UBE2K: variants seen among roughly 807,000 people sequenced by gnomAD.
The protein encoded by UBE2K is ubiquitin conjugating enzyme E2 K, also known as ubiquitin-conjugating enzyme E2 K.
Under a neutral mutation model 30.0 loss-of-function variants are expected in UBE2K, and 6 were observed. The observed-to-expected ratio is 0.20, with a 90% confidence interval of 0.11 to 0.39. UBE2K has a LOEUF of 0.39. Among genes scored for constraint, UBE2K ranks in the 10% least tolerant of loss-of-function variants. The pLI is 1.00. For missense variants in UBE2K, 61 were observed against 241.6 expected, an observed-to-expected ratio of 0.25 and a Z score of 4.96; for synonymous variants, 86 against 83.7, an observed-to-expected ratio of 1.03 and a Z score of -0.15.
chr4:39,738,631 G>A (rs887683202), intron 2 of UBE2K, among the ~76,000 whole-genome samples: 10 of 152,136 alleles, frequency 6.6e-5, no homozygotes, highest in African/African-American at 2.4e-4. Context: ...ACAGGTGCAT[G>A]CCACCATATC....
Position 39,771,339 on chromosome 4 carries a change from G to A in UBE2K, c.300-3495G>A, listed in dbSNP as rs530722759. 27 of 1,612,552 alleles carry A rather than the reference G, an allele frequency of 1.7e-5. No individual in the cohort carries two copies. The African/African-American group carries it at 3.3e-4, about 20-fold the overall frequency. On this transcript the variant is annotated intron_variant, in intron 4 of 6. Coordinates refer to ENST00000261427, the MANE Select transcript of UBE2K (RefSeq NM_005339.5). ...GGCTGTCGGCCACAATGGTCACGTC[G>A]CAGAACCACTCCTCTGCCCGGAGCT...
intron 1 of UBE2K, among the ~76,000 whole-genome samples, chr4:39,718,292 T>G (rs1199277321): frequency 6.6e-6 from 1 of 152,224 alleles, no homozygotes; most frequent in Non-Finnish European, 1.5e-5. Context: ...GAGTGTCGAT[T>G]GCTGTATTTA....
intron 5 of UBE2K, among the ~76,000 whole-genome samples, chr4:39,777,294 G>A (rs1055937748): frequency 1.3e-5 from 2 of 152,136 alleles, no homozygotes; most frequent in East Asian, 1.9e-4. Context: ...TGGTTACATC[G>A]TAAAAAATTA....
At chr4:39,748,286 A>G (rs939732617) in intron 3 of UBE2K, among the ~76,000 whole-genome samples, 1 of 152,110 alleles carries the variant, frequency 6.6e-6, no homozygotes, top group Admixed American at 6.6e-5. Context: ...GTTTAGTGGC[A>G]TGCACAGTCA....
At chr4:39,756,590 A>G (rs1721526628) in intron 4 of UBE2K, among the ~76,000 whole-genome samples, 1 of 151,946 alleles carries the variant, frequency 6.6e-6, no homozygotes, top group South Asian at 2.1e-4. Context: ...GTAGCTGGGA[A>G]TACAGGCGCA....
At chr4:39,709,105 A>AT (rs1181663315) in intron 1 of UBE2K, among the ~76,000 whole-genome samples, 4 of 151,818 alleles carry the variant, frequency 2.6e-5, no homozygotes, top group African/African-American at 9.7e-5. Flanking sequence ...CTGTATCTCG[A>AT]TTTTTTTAAT....
At chr4:39,704,099 C>A (rs1490914716) in intron 1 of UBE2K, among the ~76,000 whole-genome samples, 1 of 150,222 alleles carries the variant, frequency 6.7e-6, no homozygotes, top group Non-Finnish European at 1.5e-5. Context: ...ACAGTTGTTT[C>A]TAAGACTAGA....
At chr4:39,766,897 A>G (rs1712377793) in intron 4 of UBE2K, among the ~76,000 whole-genome samples, 1 of 151,886 alleles carries the variant, frequency 6.6e-6, no homozygotes, top group Non-Finnish European at 1.5e-5. Flanking sequence ...GATTACAAAC[A>G]TGCACCACCA....
intron 4 of UBE2K, among the ~76,000 whole-genome samples, chr4:39,769,348 C>T (rs570262710): frequency 6.6e-6 from 1 of 151,064 alleles, no homozygotes; most frequent in South Asian, 2.1e-4. Context: ...CTCTACTCCT[C>T]TCCCTCCCTC....
intron 1 of UBE2K, among the ~76,000 whole-genome samples, chr4:39,719,352 G>A (rs1323997951): frequency 2.0e-5 from 3 of 152,032 alleles, no homozygotes; most frequent in African/African-American, 7.2e-5. Flanking sequence ...ATTGATAATT[G>A]TACATATGTC....
chr4:39,758,397 G>A (rs1416149316), intron 4 of UBE2K, among the ~76,000 whole-genome samples: 1 of 152,158 alleles, frequency 6.6e-6, no homozygotes, highest in African/African-American at 2.4e-5. Context: ...AAAGCTTGCC[G>A]CCACGTGCAG....
chr4:39,745,212 A>G (rs960008364), intron 2 of UBE2K, among the ~76,000 whole-genome samples: 2 of 152,208 alleles, frequency 1.3e-5, no homozygotes, highest in African/African-American at 2.4e-5. Context: ...TAATTGCACA[A>G]ATATTAACAA....
chr4:39,742,602 C>T (rs1720764392), intron 2 of UBE2K, among the ~76,000 whole-genome samples: 1 of 152,032 alleles, frequency 6.6e-6, no homozygotes, highest in Non-Finnish European at 1.5e-5. Context: ...ATTAGCCAGG[C>T]ATGGTGGCGC....
chr4:39,777,307 C>A (rs2109418071), intron 5 of UBE2K, among the ~76,000 whole-genome samples: 1 of 152,294 alleles, frequency 6.6e-6, no homozygotes, highest in South Asian at 2.1e-4. Flanking sequence ...AAAAATTATT[C>A]TAATGTCCAC....
At chr4:39,773,977 C>A (rs73240690) in intron 4 of UBE2K, among the ~76,000 whole-genome samples, 1 of 151,888 alleles carries the variant, frequency 6.6e-6, no homozygotes, top group African/African-American at 2.4e-5. Flanking sequence ...AAAACAAGGA[C>A]AGTTCAGAAT....
In UBE2K at chr4:39,752,131, G is replaced by GTTTGT. The variant is rs752521256; in HGVS notation, c.217-3512_217-3508dup. Among the ~76,000 whole-genome samples, 16 of 152,130 alleles carry GTTTGT rather than the reference G, an allele frequency of 1.1e-4. No individual in the cohort carries two copies. The East Asian group carries it at 1.9e-3, about 18-fold the overall frequency. ...AAACCACATGGGGTTTTTTGTATGT[G>GTTTGT]TTTGTTTTGTTTTGTTTTTGAGACG... On this transcript the variant is annotated intron_variant, in intron 3 of 6. Coordinates refer to ENST00000261427, the MANE Select transcript of UBE2K (RefSeq NM_005339.5).
chr4:39,722,225 C>G (rs1036844939), intron 1 of UBE2K, among the ~76,000 whole-genome samples: 2 of 152,270 alleles, frequency 1.3e-5, no homozygotes, highest in Admixed American at 1.3e-4. Context: ...ACATACCTTT[C>G]TTTTTTTCTC....
At chr4:39,714,527 TA>T (rs1718903134) in intron 1 of UBE2K, 2 of 28,700 alleles carry the variant, frequency 7.0e-5, no homozygotes, top group East Asian at 3.1e-3. Flanking sequence ...CATATATATA[TA>T]TATATATATA....
chr4:39,731,541 G>T (rs1720074951), intron 1 of UBE2K, among the ~76,000 whole-genome samples: 1 of 152,050 alleles, frequency 6.6e-6, no homozygotes, highest in Admixed American at 6.6e-5. Context: ...AATTAGCCAG[G>T]CGTGGTGGCG....
Sources: allele counts gnomAD v4.1 joint callset (sites outside exome capture counted in the v4.1 genomes callset), GRCh38; gene constraint gnomAD v4.1.1; transcripts MANE v1.5; gene names NCBI Gene and HGNC (gene_info 2026-07-23, HGNC 2026-07-21).